Variants in SLC30A8 observed in about 807,000 individuals in gnomAD.
SLC30A8 encodes proton-coupled zinc antiporter SLC30A8.
Under a neutral mutation model 36.9 loss-of-function variants are expected in SLC30A8, and 27 were observed. That is an observed-to-expected ratio of 0.73 (90% CI 0.54 to 1.01). The LOEUF (loss-of-function observed/expected upper bound fraction) is 1.01, where lower values mean the gene tolerates loss of function less well. Ranked by LOEUF, SLC30A8 falls within the 50% of genes least tolerant of loss-of-function variation. The pLI, the probability that SLC30A8 is intolerant of heterozygous loss-of-function variation, is 0.00. For synonymous variants in SLC30A8, 164 were observed against 172.4 expected (o/e 0.95, Z 0.38); for missense variants, 439 against 452.0 (o/e 0.97, Z 0.26).
At chr8:116,988,198 G>A (rs1032136639) in intron 1 of SLC30A8, among the ~76,000 whole-genome samples, 2 of 152,046 alleles carry the variant, frequency 1.3e-5, no homozygotes, top group African/African-American at 4.8e-5. Context: ...GATCTGGATG[G>A]GCAACACTTC....
At chr8:116,995,488 A>C (rs1034929105) in intron 1 of SLC30A8, among the ~76,000 whole-genome samples, 3 of 151,718 alleles carry the variant, frequency 2.0e-5, no homozygotes, top group African/African-American at 7.3e-5. Context: ...AAGCATGAAA[A>C]CCCCTTCCTA....
intron 1 of SLC30A8, among the ~76,000 whole-genome samples, chr8:116,954,973 A>C (rs903789283): frequency 5.3e-5 from 8 of 152,232 alleles, no homozygotes; most frequent in Admixed American, 4.6e-4. Context: ...ATAAGTGGGC[A>C]TGGTAGAGGG....
intron 2 of SLC30A8, among the ~76,000 whole-genome samples, chr8:117,097,396 CAAA>C (rs1157294543): frequency 0.24 from 6,017 of 24,960 alleles, 426 homozygotes; most frequent in African/African-American, 0.34. Context: ...GACTCCATCT[CAAA>C]AAAAAAAAAA....
At chr8:116,989,529 A>G (rs567531781) in intron 1 of SLC30A8, among the ~76,000 whole-genome samples, 15 of 152,218 alleles carry the variant, frequency 9.9e-5, no homozygotes, top group East Asian at 3.9e-4. Context: ...AGTTTACTCA[A>G]TTTATTCAAA....
chr8:117,131,075 G>GA (rs1023569209), upstream of SLC30A8, among the ~76,000 whole-genome samples: 4 of 151,674 alleles, frequency 2.6e-5, no homozygotes, highest in African/African-American at 9.7e-5. Flanking sequence ...TCAATCGCTT[G>GA]AAAAATAGAA....
chr8:117,053,550 G>A (rs1326066477), intron 2 of SLC30A8, among the ~76,000 whole-genome samples: 1 of 152,114 alleles, frequency 6.6e-6, no homozygotes, highest in Non-Finnish European at 1.5e-5. Flanking sequence ...CCCCAGCCCA[G>A]CTATTATAGG....
At chr8:117,050,524 G>C (rs1220089013) in intron 2 of SLC30A8, among the ~76,000 whole-genome samples, 2 of 151,762 alleles carry the variant, frequency 1.3e-5, no homozygotes, top group African/African-American at 4.8e-5. Flanking sequence ...TCCTGCCTCA[G>C]CCTCCAGAGT....
intron 1 of SLC30A8, among the ~76,000 whole-genome samples, chr8:117,035,677 G>T (rs1308211929): frequency 6.6e-6 from 1 of 152,236 alleles, no homozygotes; most frequent in Admixed American, 6.5e-5. Context: ...CCCTAGCAGA[G>T]GTTCTCCATG....
chr8:117,051,223 G>A (rs751886694), intron 2 of SLC30A8, among the ~76,000 whole-genome samples: 17 of 152,194 alleles, frequency 1.1e-4, no homozygotes, highest in African/African-American at 2.9e-4. Flanking sequence ...GTACTGACTC[G>A]TTGGCCAATC....
chr8:116,993,091 T>A (rs1035264297), intron 1 of SLC30A8, among the ~76,000 whole-genome samples: 1 of 152,098 alleles, frequency 6.6e-6, no homozygotes, highest in Non-Finnish European at 1.5e-5. Context: ...GAATAGATAA[T>A]CTCCTTGAGT....
At chr8:117,135,725 A>T (rs114332387) in intron 1 of SLC30A8, among the ~76,000 whole-genome samples, 3,655 of 151,952 alleles carry the variant, frequency 0.024, 152 homozygotes, top group African/African-American at 0.082. Flanking sequence ...ATAGATAGTA[A>T]ATTTTATTAT....
At chr8:117,002,883 G>A (rs180714344) in intron 1 of SLC30A8, among the ~76,000 whole-genome samples, 26 of 152,116 alleles carry the variant, frequency 1.7e-4, no homozygotes, top group Non-Finnish European at 3.7e-4. Flanking sequence ...GATTATAGGC[G>A]TGAGCCACTG....
At chr8:117,132,527 G>A (rs1383783494), upstream of SLC30A8, among the ~76,000 whole-genome samples, 2 of 152,006 alleles carry the variant, frequency 1.3e-5, no homozygotes, top group Non-Finnish European at 2.9e-5. Flanking sequence ...GAAGCTGGTT[G>A]CCTAGGAAAC....
intron 1 of SLC30A8, among the ~76,000 whole-genome samples, chr8:117,138,321 G>A (rs1821466281): frequency 6.6e-6 from 1 of 151,776 alleles, no homozygotes; most frequent in Non-Finnish European, 1.5e-5. Flanking sequence ...TTGTCTTAAG[G>A]GCATGCAGAA....
At chr8:117,074,289 A>C (rs1240934100) in intron 2 of SLC30A8, among the ~76,000 whole-genome samples, 1 of 152,184 alleles carries the variant, frequency 6.6e-6, no homozygotes, top group African/African-American at 2.4e-5. Flanking sequence ...TGGACTTTGC[A>C]TACAATGGTT....
intron 1 of SLC30A8, among the ~76,000 whole-genome samples, chr8:116,977,604 C>G (rs1042134425): frequency 1.3e-5 from 2 of 150,552 alleles, no homozygotes; most frequent in Admixed American, 6.6e-5. Context: ...CTCCGCCTCC[C>G]GGGTTCAAGC....
At chr8:117,012,123 T>C (rs1816362742) in intron 1 of SLC30A8, among the ~76,000 whole-genome samples, 1 of 152,198 alleles carries the variant, frequency 6.6e-6, no homozygotes, top group African/African-American at 2.4e-5. Flanking sequence ...AATTAGTTGC[T>C]CACATAAAAC....
chr8:116,977,610 C>G (rs1815096252), intron 1 of SLC30A8, among the ~76,000 whole-genome samples: 1 of 150,692 alleles, frequency 6.6e-6, no homozygotes, highest in Admixed American at 6.6e-5. Context: ...CTCCCGGGTT[C>G]AAGCAATTCT....
rs768720476 is a variant in SLC30A8 at position 117,171,086 on chromosome 8, C to G, written c.882C>G (p.Val294=). The G allele has an allele frequency of 2.5e-6, 4 of 1,612,150 alleles. No individual in the cohort carries two copies. The highest frequency in any genetic ancestry group is 3.4e-6 in the Non-Finnish European group (4 of 1,179,104). The change falls in exon 7 of 8, where the codon GTC becomes GTG. Residue 294 remains valine, a synonymous_variant. Transcript: ENST00000456015. ...YSGVKELILA[V]DGVLSVHSLH... Reference sequence around the variant, plus strand: ...GTGTGAAAGAGCTTATTTTAGCAGTCGACGGGGTGCTGTCTGTGCACAGCC... The same window carrying G: ...GTGTGAAAGAGCTTATTTTAGCAGTGGACGGGGTGCTGTCTGTGCACAGCC...
Sources: allele counts gnomAD v4.1 joint callset (sites outside exome capture counted in the v4.1 genomes callset), GRCh38; gene constraint gnomAD v4.1.1; transcripts MANE v1.5; gene names NCBI Gene and HGNC (gene_info 2026-07-23, HGNC 2026-07-21).